The following ZMIZ1 variants were observed in gnomAD, a reference collection of about 807,000 sequenced individuals.
ZMIZ1 encodes the protein zinc finger MIZ-type containing 1.
ZMIZ1 carries 17 observed loss-of-function variants against 113.9 expected under a neutral mutation model. That is an observed-to-expected ratio of 0.15 (90% CI 0.10 to 0.22). The LOEUF is 0.22. Ranked by LOEUF, ZMIZ1 falls within the 10% of genes least tolerant of loss-of-function variation. The pLI, the probability that ZMIZ1 is intolerant of heterozygous loss-of-function variation, is 1.00. For missense variants in ZMIZ1, 1,059 were observed against 1,477.8 expected, an observed-to-expected ratio of 0.72 and a Z score of 4.65; for synonymous variants, 607 against 603.1, an observed-to-expected ratio of 1.01 and a Z score of -0.09.
chr10:79,262,340 T>G (rs1851319573), intron 7 of ZMIZ1, among the ~76,000 whole-genome samples: 1 of 152,230 alleles, frequency 6.6e-6, no homozygotes, highest in Non-Finnish European at 1.5e-5. Flanking sequence ...GCATGTGTTT[T>G]AACAAGCCTT....
At chr10:79,263,692 A>C (rs1851402372) in intron 7 of ZMIZ1, among the ~76,000 whole-genome samples, 1 of 151,940 alleles carries the variant, frequency 6.6e-6, no homozygotes, top group Non-Finnish European at 1.5e-5. Context: ...TGGCAGGAAA[A>C]ACCAAGGGCT....
rs114479747 is a variant in ZMIZ1 at position 79,130,726 on chromosome 10, C to T, written c.-226-8956C>T. Among the ~76,000 whole-genome samples, 345 of 152,274 alleles carry T rather than the reference C, an allele frequency of 2.3e-3. 2 individuals are homozygous for T. Among genetic ancestry groups the T allele is most frequent in the African/African-American group, 7.6e-3 (315 of 41,552 alleles). On this transcript the variant is annotated intron_variant, in intron 2 of 24. Coordinates refer to ENST00000334512, the MANE Select transcript of ZMIZ1 (RefSeq NM_020338.4). ...ACTTAACCTCTCGGTGCTTCAATGACATCATTTCTGAAATGTGGGTAATAA... is the reference window on the plus strand; with the variant it reads ...ACTTAACCTCTCGGTGCTTCAATGATATCATTTCTGAAATGTGGGTAATAA...
At chr10:79,129,922 A>C (rs865785865) in intron 2 of ZMIZ1, among the ~76,000 whole-genome samples, 2 of 152,204 alleles carry the variant, frequency 1.3e-5, no homozygotes, top group African/African-American at 4.8e-5. Context: ...CCCTCCCACA[A>C]GATAGGGCTT....
At chr10:79,115,217 A>G (rs950057987) in intron 1 of ZMIZ1, among the ~76,000 whole-genome samples, 1 of 152,190 alleles carries the variant, frequency 6.6e-6, no homozygotes, top group Non-Finnish European at 1.5e-5. Context: ...TGTGGAAGGC[A>G]TACTCTAGTC....
At chr10:79,272,368 T>A (rs917668080) in intron 7 of ZMIZ1, among the ~76,000 whole-genome samples, 1 of 152,228 alleles carries the variant, frequency 6.6e-6, no homozygotes, top group Non-Finnish European at 1.5e-5. Context: ...AGAGAGATTG[T>A]ACTGTTTGCC....
chr10:79,249,439 C>T (rs554699673), intron 7 of ZMIZ1, among the ~76,000 whole-genome samples: 2 of 152,328 alleles, frequency 1.3e-5, no homozygotes, highest in African/African-American at 2.4e-5. Flanking sequence ...CATGGCGGCC[C>T]TGGTCACCCA....
intron 1 of ZMIZ1, among the ~76,000 whole-genome samples, chr10:79,114,253 CTGTT>C (rs1333540617): frequency 6.6e-6 from 1 of 152,012 alleles, no homozygotes; most frequent in Non-Finnish European, 1.5e-5. Flanking sequence ...TTTTTTCCCC[CTGTT>C]TAATGGCTAT....
At chr10:79,120,363 G>A (rs565817949) in intron 2 of ZMIZ1, among the ~76,000 whole-genome samples, 16 of 151,342 alleles carry the variant, frequency 1.1e-4, no homozygotes, top group Admixed American at 9.2e-4. Context: ...TCTGACACAC[G>A]GGGCTGCATA....
chr10:79,313,955 C>T lies in ZMIZ1; in HGVS notation c.*1206C>T, dbSNP rs41306560. The T allele has an allele frequency of 1.2e-5, 5 of 429,748 alleles. No homozygotes were observed. Among genetic ancestry groups the T allele is most frequent in the African/African-American group, 6.0e-5 (3 of 49,854 alleles). The allele number at this position is 429,748 out of a possible 1,614,324, so 26.6% of individuals were successfully genotyped here. On this transcript the variant is annotated 3_prime_UTR_variant, in exon 25 of 25. Transcript: ENST00000334512. ...CTGTCCCTGTGCTCCAAGCTGCCCCCGGCTGCAGCCCAGGCCATGGACATG... is the reference window on the plus strand; with the variant it reads ...CTGTCCCTGTGCTCCAAGCTGCCCCTGGCTGCAGCCCAGGCCATGGACATG...
At position 79,313,327 on chromosome 10, in the gene ZMIZ1, T is replaced by G. The variant is rs1855324127; in HGVS notation, c.*578T>G. The G allele has an allele frequency of 6.5e-6, 1 of 154,150 alleles. No homozygotes were observed. Among genetic ancestry groups the G allele is most frequent in the African/African-American group, 2.4e-5 (1 of 41,256 alleles). 9.5% of individuals were successfully genotyped at this position (154,150 alleles called of 1,614,324 possible). On this transcript the variant is annotated 3_prime_UTR_variant, in exon 25 of 25. Coordinates refer to ENST00000334512, the MANE Select transcript of ZMIZ1 (RefSeq NM_020338.4). ...AAACCTCTGGGAAAGACAACGTCTC[T>G]CGGGGGCCAGGGGTCATCGGTTTGA...
chr10:79,149,596 A>G (rs1845628090), intron 3 of ZMIZ1, among the ~76,000 whole-genome samples: 1 of 152,080 alleles, frequency 6.6e-6, no homozygotes, highest in Non-Finnish European at 1.5e-5. Flanking sequence ...CAGGCATGCC[A>G]AGTCAGGGTG....
chr10:79,197,636 A>C (rs63664263), intron 4 of ZMIZ1, among the ~76,000 whole-genome samples: 33,140 of 146,938 alleles, frequency 0.23, 4,612 homozygotes, highest in Non-Finnish European at 0.32. Flanking sequence ...ACACACACAC[A>C]CACACACCTG....
At chr10:79,172,735 AAAG>A (rs899874432) in intron 4 of ZMIZ1, among the ~76,000 whole-genome samples, 3 of 152,168 alleles carry the variant, frequency 2.0e-5, no homozygotes, top group Admixed American at 6.5e-5. Context: ...TTTTGACACA[AAAG>A]AGGAGGAGGA....
intron 7 of ZMIZ1, among the ~76,000 whole-genome samples, chr10:79,273,831 T>C (rs1360707699): frequency 6.6e-6 from 1 of 152,256 alleles, no homozygotes; most frequent in African/African-American, 2.4e-5. Context: ...GTGGGTCTAA[T>C]GGCATTCATT....
At chr10:79,200,264 C>G (rs1019455417) in intron 4 of ZMIZ1, among the ~76,000 whole-genome samples, 3 of 152,276 alleles carry the variant, frequency 2.0e-5, no homozygotes, top group Admixed American at 6.5e-5. Flanking sequence ...GAGGGCAAAT[C>G]GAACTGGCAG....
intron 2 of ZMIZ1, among the ~76,000 whole-genome samples, chr10:79,132,337 T>A (rs1044435229): frequency 1.4e-5 from 2 of 146,068 alleles, no homozygotes; most frequent in East Asian, 4.4e-4. Context: ...GGGGAGCTAC[T>A]CTGATCACCA....
rs529246685 is a variant in ZMIZ1, at chr10:79,131,365, G to A, written c.-226-8317G>A. Among the ~76,000 whole-genome samples the A allele has an allele frequency of 3.1e-3, 476 of 152,190 alleles. 3 individuals are homozygous for A. The highest frequency in any genetic ancestry group is 5.7e-3 in the Non-Finnish European group (385 of 67,998). On this transcript the variant is annotated intron_variant, in intron 2 of 24. Transcript: ENST00000334512. ...GGGGATAGGTGGGGGTGGCACTGGG[G>A]CTCAGCAGCCACACTGGAAGGTTTT...
intron 1 of ZMIZ1, among the ~76,000 whole-genome samples, chr10:79,075,571 ACACACATG>A (rs56927830): frequency 0.024 from 3,613 of 150,560 alleles, 118 homozygotes; most frequent in African/African-American, 0.082. Context: ...ACACACATGC[ACACACATG>A]CACACATGCA....
chr10:79,153,159 C>G (rs1200779259), intron 3 of ZMIZ1, among the ~76,000 whole-genome samples: 1 of 152,244 alleles, frequency 6.6e-6, no homozygotes, highest in Non-Finnish European at 1.5e-5. Context: ...TGGGAAGCCC[C>G]TGGGGAGGCT....
Sources: gnomAD v4.1 joint callset for allele counts (sites outside exome capture counted in the v4.1 genomes callset) on GRCh38, gnomAD v4.1.1 for gene constraint, MANE v1.5 for transcripts, NCBI Gene and HGNC (gene_info 2026-07-23, HGNC 2026-07-21) for gene names.